The following TDRD3 variants were observed in gnomAD, a reference collection of about 807,000 sequenced individuals.
TDRD3 encodes the protein tudor domain containing 3.
A neutral mutation model predicts 86.7 loss-of-function variants in TDRD3; 45 were observed. That is an observed-to-expected ratio of 0.52 (90% CI 0.41 to 0.67). TDRD3 has a LOEUF of 0.67. Ranked by LOEUF, TDRD3 falls within the 30% of genes least tolerant of loss-of-function variation. The pLI is 0.00. For synonymous variants in TDRD3, 298 were observed against 301.7 expected, an observed-to-expected ratio of 0.99 and a Z score of 0.13; for missense variants, 814 against 889.0, an observed-to-expected ratio of 0.92 and a Z score of 1.07.
chr13:60,396,954 G>A (rs749908219), upstream of TDRD3: 26 of 156,746 alleles, frequency 1.7e-4, no homozygotes, highest in Non-Finnish European at 3.2e-4. Context: ...GGCCGCCTGT[G>A]GGCGCTGCAA....
At chr13:60,550,486 C>T (rs1482977578) in intron 12 of TDRD3, among the ~76,000 whole-genome samples, 1 of 152,010 alleles carries the variant, frequency 6.6e-6, no homozygotes, top group African/African-American at 2.4e-5. Context: ...GAGGAAAAAA[C>T]TTTAACTTGC....
chr13:60,397,560 G>A (rs1045339080), intron 1 of TDRD3, among the ~76,000 whole-genome samples, 155 bp downstream of exon 1: 1 of 149,652 alleles, frequency 6.7e-6, no homozygotes, highest in African/African-American at 2.4e-5. Context: ...TCCGCCCCCG[G>A]CGCCACGCGG....
intron 4 of TDRD3, among the ~76,000 whole-genome samples, chr13:60,461,411 G>A (rs1453301333): frequency 6.6e-6 from 1 of 152,156 alleles, no homozygotes; most frequent in Non-Finnish European, 1.5e-5. Flanking sequence ...TGAGAAGGAA[G>A]GGAAATTGTC....
At position 60,548,005 on chromosome 13, in the gene TDRD3, A is replaced by T. The variant is rs141769371; in HGVS notation, c.2118+12772A>T. ...TTCTTAGCTCACTGCTCCATTAGTT[A>T]GTAAGGTTGACTGGGAAAATGGTTA... is the stretch of plus-strand genomic sequence containing the variant. On this transcript the variant is annotated intron_variant, in intron 12 of 13. Transcript: ENST00000377881. Among the ~76,000 whole-genome samples the T allele has an allele frequency of 5.3e-5, 8 of 152,274 alleles. No individual in the cohort carries two copies. The East Asian group carries it at 1.5e-3, about 29-fold the overall frequency.
intron 12 of TDRD3, chr13:60,537,657 T>C (rs968039871): frequency 6.6e-6 from 1 of 151,876 alleles, no homozygotes; most frequent in Non-Finnish European, 1.5e-5. Flanking sequence ...ACTAGAAAAA[T>C]TAAAGGGCTG....
chr13:60,541,814 G>A (rs542214342), intron 12 of TDRD3, among the ~76,000 whole-genome samples: 5 of 125,080 alleles, frequency 4.0e-5, no homozygotes, highest in African/African-American at 1.2e-4. Flanking sequence ...CACAACCTCC[G>A]CCTCCTGGGT....
chr13:60,515,706 C>G (rs1385412336), intron 10 of TDRD3, among the ~76,000 whole-genome samples: 2 of 152,080 alleles, frequency 1.3e-5, no homozygotes, highest in Non-Finnish European at 2.9e-5. Context: ...AATAAACAAA[C>G]AAACACAAAA....
rs1957848371 is a variant in TDRD3, at chr13:60,542,849, G to GT, written c.2118+7617dup. On this transcript the variant is annotated intron_variant, in intron 12 of 13. Transcript: ENST00000377881. ...TTTTTCTTTTTACCTCTGGTGAGTG[G>GT]TATCTTTTGATGTATATGGGCTACC... is the stretch of plus-strand genomic sequence containing the variant. 3.3e-5 allele frequency among the ~76,000 whole-genome samples: 5 copies of GT among 151,902 alleles called. No individual in the cohort carries two copies. In the South Asian group the frequency reaches 1.0e-3, roughly 32 times the overall value.
At chr13:60,544,208 G>T (rs998474548) in intron 12 of TDRD3, among the ~76,000 whole-genome samples, 3 of 151,778 alleles carry the variant, frequency 2.0e-5, no homozygotes, top group Non-Finnish European at 4.4e-5. Flanking sequence ...CAACACTTTG[G>T]GAGGCCGAGA....
rs1255323996 is a variant in TDRD3, at chr13:60,567,641, A to G, written c.2235A>G (p.Ter745=). ...ACCAACCACCCCGGGCTCGGAACTAATAGGAAAAGGTAAACTTAACATTGT... is the reference window on the plus strand; with the variant it reads ...ACCAACCACCCCGGGCTCGGAACTAGTAGGAAAAGGTAAACTTAACATTGT... ...QFYQPPRARN[*] is the part of the protein sequence containing the mutation. Residue 745 remains the stop codon, a stop_retained_variant, in exon 13 of 14, where the codon TAA becomes TAG. Coordinates refer to ENST00000377881, the MANE Select transcript of TDRD3 (RefSeq NM_001146070.2). 2 of 1,613,986 alleles carry G rather than the reference A, an allele frequency of 1.2e-6. No homozygotes were observed. Among genetic ancestry groups the G allele is most frequent in the Admixed American group, 1.7e-5 (1 of 59,972 alleles).
At chr13:60,426,960 G>A (rs1566182709) in intron 1 of TDRD3, among the ~76,000 whole-genome samples, 2 of 152,144 alleles carry the variant, frequency 1.3e-5, no homozygotes, top group African/African-American at 4.8e-5. Context: ...TTATCGTACT[G>A]AATACTGTGG....
chr13:60,563,171 T>G (rs928435444), intron 12 of TDRD3, among the ~76,000 whole-genome samples: 1 of 150,730 alleles, frequency 6.6e-6, no homozygotes, highest in Non-Finnish European at 1.5e-5. Flanking sequence ...GAGGTTGCCT[T>G]GAGCCAAGAT....
intron 5 of TDRD3, among the ~76,000 whole-genome samples, chr13:60,479,904 A>G (rs754011208): frequency 1.2e-4 from 18 of 152,058 alleles, no homozygotes; most frequent in Non-Finnish European, 1.6e-4. Context: ...TACTTGTGAG[A>G]TGGGTCCCTT....
intron 8 of TDRD3, among the ~76,000 whole-genome samples, chr13:60,504,536 A>C (rs1956895476): frequency 6.6e-6 from 1 of 152,224 alleles, no homozygotes; most frequent in African/African-American, 2.4e-5. Context: ...TGACACTTGC[A>C]TTTTACCATC....
At chr13:60,483,513 T>TTTATC (rs1046229581) in intron 5 of TDRD3, among the ~76,000 whole-genome samples, 67 of 152,266 alleles carry the variant, frequency 4.4e-4, no homozygotes, top group African/African-American at 1.5e-3. Flanking sequence ...GTTTTCTCCT[T>TTTATC]AGGGGAATGG....
chr13:60,552,450 A>G (rs1030762516), intron 12 of TDRD3, among the ~76,000 whole-genome samples: 3 of 152,198 alleles, frequency 2.0e-5, no homozygotes, highest in Non-Finnish European at 4.4e-5. Context: ...GTGGCTCTGC[A>G]GGGTGCAGCC....
At chr13:60,436,107 TG>T (rs1175095519) in intron 1 of TDRD3, among the ~76,000 whole-genome samples, 6 of 142,100 alleles carry the variant, frequency 4.2e-5, no homozygotes, top group South Asian at 2.4e-4. Context: ...TTGGATGGGT[TG>T]TTTTTTTTTT....
chr13:60,418,199 C>T (rs1954572518), intron 1 of TDRD3, among the ~76,000 whole-genome samples: 2 of 152,096 alleles, frequency 1.3e-5, no homozygotes, highest in African/African-American at 4.8e-5. Flanking sequence ...TTGTGGGTCT[C>T]TTATGTACAT....
chr13:60,428,432 A>G (rs1594921185), intron 1 of TDRD3, among the ~76,000 whole-genome samples: 1 of 151,864 alleles, frequency 6.6e-6, no homozygotes, highest in African/African-American at 2.4e-5. Context: ...CCAAGGGAAA[A>G]TTTTCCCTTC....
Sources: allele counts gnomAD v4.1 joint callset (sites outside exome capture counted in the v4.1 genomes callset), GRCh38; gene constraint gnomAD v4.1.1; transcripts MANE v1.5; gene names NCBI Gene and HGNC (gene_info 2026-07-23, HGNC 2026-07-21).